COG7: variants seen among roughly 807,000 people sequenced by gnomAD.
COG7 encodes component of oligomeric golgi complex 7, also known as conserved oligomeric Golgi complex subunit 7.
In COG7, 49 loss-of-function variants were observed where a neutral mutation model predicts 91.5. That is an observed-to-expected ratio of 0.54 (90% CI 0.43 to 0.68). The LOEUF is 0.68. COG7 is among the 30% of genes least tolerant of loss of function. The pLI, the probability that COG7 is intolerant of heterozygous loss-of-function variation, is 0.00. For synonymous variants in COG7, 365 were observed against 388.7 expected (o/e 0.94, Z 0.72); for missense variants, 895 against 961.3 (o/e 0.93, Z 0.91).
At chr16:23,427,000 A>C (rs1963859420) in intron 6 of COG7, among the ~76,000 whole-genome samples, 2 of 152,060 alleles carry the variant, frequency 1.3e-5, no homozygotes, top group African/African-American at 4.8e-5. Context: ...TCTAATCCCA[A>C]CACTTTGGGA....
At chr16:23,443,324 T>C (rs977641429) in intron 3 of COG7, among the ~76,000 whole-genome samples, 1 of 152,138 alleles carries the variant, frequency 6.6e-6, no homozygotes, top group Non-Finnish European at 1.5e-5. Context: ...GGCAGGAGGA[T>C]TGCATGAGGC....
chr16:23,420,406 CT>C (rs1026133949), intron 7 of COG7, among the ~76,000 whole-genome samples: 41 of 152,108 alleles, frequency 2.7e-4, no homozygotes, highest in African/African-American at 9.7e-4. Context: ...TCCTCACATC[CT>C]TCTGGTCCCC....
chr16:23,433,806 C>A, intron 5 of COG7, 139 bp from the exon 6 acceptor site: 5 of 783,556 alleles, frequency 6.4e-6, no homozygotes, highest in Admixed American at 2.6e-5. Context: ...CCATTCACTT[C>A]AAAGAAAGGC....
chr16:23,406,713 C>T (rs1963469418), intron 11 of COG7, among the ~76,000 whole-genome samples: 1 of 152,238 alleles, frequency 6.6e-6, no homozygotes. Context: ...GTGACAGCAG[C>T]TCGCTGCACG....
At chr16:23,392,179 C>G in intron 16 of COG7, 1 of 1,464,258 alleles carries the variant, frequency 6.8e-7, no homozygotes, top group Non-Finnish European at 9.0e-7. Context: ...ACATAGATGT[C>G]TGAGCTTCAG....
At position 23,452,876 on chromosome 16, in the gene COG7, A is replaced by T. The variant is rs775575683; in HGVS notation, c.119T>A (p.Leu40Gln). 34 of 1,613,982 alleles carry T rather than the reference A, an allele frequency of 2.1e-5. No individual in the cohort carries two copies. The highest frequency in any genetic ancestry group is 3.3e-4 in the Middle Eastern group (2 of 6,044). The change falls in exon 1 of 17, where the codon CTG becomes CAG. Residue 40 changes from leucine (L) to glutamine (Q), a missense_variant. Transcript: ENST00000307149. ...SGKADGHAAT[L>Q]VMKLQLFIQE... ...GATGAACAGCTGCAGCTTCATCACC[A>T]GGGTGGCTGCGTGGCCATCCGCCTT...
intron 14 of COG7, among the ~76,000 whole-genome samples, chr16:23,397,496 G>C (rs1470090815): frequency 6.6e-6 from 1 of 152,192 alleles, no homozygotes; most frequent in Non-Finnish European, 1.5e-5. Flanking sequence ...GGTGAATGGG[G>C]AGGGCAGCAA....
chr16:23,394,465 CAA>C (rs2142059687), intron 14 of COG7, among the ~76,000 whole-genome samples: 1 of 151,506 alleles, frequency 6.6e-6, no homozygotes, highest in South Asian at 2.1e-4. Flanking sequence ...TTTCAGGTTT[CAA>C]AATGATAATA....
chr16:23,445,221 C>T (rs1192082112), intron 2 of COG7, 57 bp from the exon 3 acceptor site: 1 of 1,187,676 alleles, frequency 8.4e-7, no homozygotes. Context: ...CTCCATCTGC[C>T]ACCAGGGACT....
At chr16:23,410,010 C>A (rs974310773) in intron 11 of COG7, among the ~76,000 whole-genome samples, 1 of 152,224 alleles carries the variant, frequency 6.6e-6, no homozygotes, top group Non-Finnish European at 1.5e-5. Flanking sequence ...AAGCCCATTC[C>A]TAATTTGGAG....
chr16:23,443,724 G>A (rs1176173437), intron 3 of COG7, among the ~76,000 whole-genome samples: 1 of 152,022 alleles, frequency 6.6e-6, no homozygotes, highest in Non-Finnish European at 1.5e-5. Flanking sequence ...AGATTGTTGA[G>A]TGAAAAAATA....
rs1312497461 is a variant in COG7 at position 23,388,594 on chromosome 16, ACT to A, written c.*324_*325del. The stretch of plus-strand genomic sequence containing the variant: ...ATAAATAATACATCTTTAATTTACA[ACT>A]CTTTTTGATTATACAAATGAACCAA... On this transcript the variant is annotated 3_prime_UTR_variant, in exon 17 of 17. Coordinates refer to ENST00000307149, the MANE Select transcript of COG7 (RefSeq NM_153603.4). 6 of 202,094 alleles carry A rather than the reference ACT, an allele frequency of 3.0e-5. No homozygotes were observed. Among genetic ancestry groups the A allele is most frequent in the South Asian group, 9.7e-5 (1 of 10,308 alleles). 12.5% of individuals were successfully genotyped at this position (202,094 alleles called of 1,614,324 possible). A position where few individuals can be genotyped will look rare whatever the true frequency, so the allele number is the denominator to read the frequency against.
chr16:23,419,949 C>T (rs1963727706), intron 7 of COG7, among the ~76,000 whole-genome samples: 2 of 151,776 alleles, frequency 1.3e-5, no homozygotes, highest in Admixed American at 1.3e-4. Context: ...CCAGCCCTGG[C>T]CAATACTGTG....
At position 23,390,884 on chromosome 16, in the gene COG7, C is replaced by G. The variant is rs922406160; in HGVS notation, c.2146+1496G>C. Among the ~76,000 whole-genome samples the G allele has an allele frequency of 7.9e-5, 12 of 152,382 alleles. No homozygotes were observed. The South Asian group carries it at 2.5e-3, about 32-fold the overall frequency. Reference sequence around the variant, plus strand: ...TCCTTTACAAGTTTATCCATAAAACCGTGAGCTCCACTTGACTGTCAGCCA... The same window carrying G: ...TCCTTTACAAGTTTATCCATAAAACGGTGAGCTCCACTTGACTGTCAGCCA... On this transcript the variant is annotated intron_variant, in intron 16 of 16. Transcript: ENST00000307149.
intron 6 of COG7, 87 bp downstream of exon 6, chr16:23,433,458 C>A: frequency 6.6e-7 from 1 of 1,521,270 alleles, no homozygotes. Flanking sequence ...CTGTGCTCTG[C>A]AGTTGAGGGT....
chr16:23,433,423 G>C, intron 6 of COG7, 122 bp downstream of exon 6: 1 of 1,302,846 alleles, frequency 7.7e-7, no homozygotes, highest in Admixed American at 1.7e-5. Context: ...TTGAATGACA[G>C]CAACAAACGG....
intron 4 of COG7, among the ~76,000 whole-genome samples, chr16:23,436,208 C>G (rs1964011599): frequency 6.6e-6 from 1 of 152,082 alleles, no homozygotes; most frequent in African/African-American, 2.4e-5. Context: ...AGTGACAGAG[C>G]AAGATTCTAG....
chr16:23,403,973 C>A, intron 12 of COG7, 139 bp from the exon 13 acceptor site: 1 of 946,148 alleles, frequency 1.1e-6, no homozygotes, highest in Non-Finnish European at 1.6e-6. Context: ...GTGCCCCAGG[C>A]CCCTCTGGAG....
At chr16:23,436,917 T>C (rs1232776181) in intron 4 of COG7, among the ~76,000 whole-genome samples, 1 of 152,120 alleles carries the variant, frequency 6.6e-6, no homozygotes, top group African/African-American at 2.4e-5. Flanking sequence ...CTGTACTACA[T>C]ATTTCAGAGA....
Sources: allele counts gnomAD v4.1 joint callset (sites outside exome capture counted in the v4.1 genomes callset), GRCh38; gene constraint gnomAD v4.1.1; transcripts MANE v1.5; gene names NCBI Gene and HGNC (gene_info 2026-07-23, HGNC 2026-07-21).